Variants in TYW1 observed in about 807,000 individuals in gnomAD.
The protein encoded by TYW1 is S-adenosyl-L-methionine-dependent tRNA 4-demethylwyosine synthase TYW1.
A neutral mutation model predicts 96.2 loss-of-function variants in TYW1; 46 were observed. That is an observed-to-expected ratio of 0.48 (90% CI 0.38 to 0.61). The LOEUF (loss-of-function observed/expected upper bound fraction) is 0.61. TYW1 is among the 20% of genes least tolerant of loss of function. The pLI is 0.00. For missense variants in TYW1, 684 were observed against 909.6 expected, an observed-to-expected ratio of 0.75 and a Z score of 3.19; for synonymous variants, 274 against 323.0, an observed-to-expected ratio of 0.85 and a Z score of 1.63.
At chr7:67,219,435 T>C (rs1801309320) in intron 15 of TYW1, among the ~76,000 whole-genome samples, 1 of 152,188 alleles carries the variant, frequency 6.6e-6, no homozygotes, top group Non-Finnish European at 1.5e-5. Flanking sequence ...CTCTTCAGTG[T>C]TTTGGAAAAG....
At chr7:67,004,711 G>C (rs900851196) in intron 3 of TYW1, among the ~76,000 whole-genome samples, 1 of 151,918 alleles carries the variant, frequency 6.6e-6, no homozygotes, top group Non-Finnish European at 1.5e-5. Context: ...TTTCTCCTTC[G>C]CTTATGAAGC....
intron 3 of TYW1, among the ~76,000 whole-genome samples, chr7:66,999,874 C>G (rs560128213): frequency 2.0e-5 from 3 of 152,008 alleles, no homozygotes; most frequent in Non-Finnish European, 4.4e-5. Context: ...ATGGTTATCT[C>G]AGGGTCACTG....
At position 67,017,910 on chromosome 7, in the gene TYW1, C is replaced by T. The variant is rs762022773; in HGVS notation, c.628C>T (p.Arg210Ter). 16 of 1,613,946 alleles carry T rather than the reference C, an allele frequency of 9.9e-6. No individual in the cohort carries two copies. Among genetic ancestry groups the T allele is most frequent in the East Asian group, 4.5e-5 (2 of 44,872 alleles). ...GCTTGGCGCGCATCGTGTGATGAGT[C>T]GAGGGGAGGGCGACTGCGACGTGGT... ...WMLGAHRVMSRGEGDCDVVKS... is the reference protein window; with the variant it reads ...WMLGAHRVMS Residue 210 changes from arginine (R) to a stop codon, truncating the protein, a stop_gained, in exon 6 of 16, where the codon CGA becomes TGA. Coordinates refer to ENST00000359626, the MANE Select transcript of TYW1 (RefSeq NM_018264.4). LOFTEE classifies it high-confidence loss of function.
intron 11 of TYW1, among the ~76,000 whole-genome samples, chr7:67,087,289 T>G (rs933436877): frequency 7.2e-5 from 11 of 152,162 alleles, no homozygotes; most frequent in Non-Finnish European, 1.6e-4. Flanking sequence ...CAGAAAGGGG[T>G]GTCCAATAGT....
chr7:67,096,100 C>T (rs1264271506), intron 11 of TYW1, among the ~76,000 whole-genome samples: 1 of 152,090 alleles, frequency 6.6e-6, no homozygotes, highest in Non-Finnish European at 1.5e-5. Flanking sequence ...TCAAAGATGG[C>T]CAATAATGGC....
chr7:67,231,022 C>T (rs1235167120), intron 15 of TYW1, among the ~76,000 whole-genome samples: 2 of 152,074 alleles, frequency 1.3e-5, no homozygotes, highest in African/African-American at 2.4e-5. Flanking sequence ...TTTCCCATTC[C>T]CCCACCCTCC....
chr7:67,176,640 T>C (rs71563180), intron 13 of TYW1, among the ~76,000 whole-genome samples: 42,785 of 152,150 alleles, frequency 0.28, 6,534 homozygotes, highest in African/African-American at 0.4. Flanking sequence ...GATTCAATGC[T>C]ATATCAGGCA....
At chr7:67,052,621 G>A (rs1033264799) in intron 8 of TYW1, among the ~76,000 whole-genome samples, 9 of 152,230 alleles carry the variant, frequency 5.9e-5, no homozygotes, top group Middle Eastern at 3.4e-3. Context: ...TTGGTTGATG[G>A]ATTTTTTCCC....
intron 13 of TYW1, among the ~76,000 whole-genome samples, chr7:67,172,320 C>T (rs1482297649): frequency 6.7e-6 from 1 of 148,780 alleles, no homozygotes; most frequent in Non-Finnish European, 1.5e-5. Flanking sequence ...ATTTTATAAG[C>T]AATAGTACTT....
intron 6 of TYW1, among the ~76,000 whole-genome samples, chr7:67,021,998 A>C (rs1422535962): frequency 1.3e-5 from 2 of 151,998 alleles, no homozygotes; most frequent in African/African-American, 4.8e-5. Flanking sequence ...GCAGCCTCTA[A>C]CTCCTGGGCT....
Position 67,024,907 on chromosome 7 carries a change from A to T in TYW1, c.869A>T (p.Glu290Val), listed in dbSNP as rs754987703. 1 of 1,613,882 alleles carries T rather than the reference A, an allele frequency of 6.2e-7. No homozygotes were observed. Among genetic ancestry groups the T allele is most frequent in the Admixed American group, 1.7e-5 (1 of 59,980 alleles). ...GAAGCATTTCTCTTCCAGGAGGAAG[A>T]ACCCTTTGAGAGCTCCAGTGAAGAA... The part of the protein sequence containing the change: ...ELHHRDTEEE[E>V]PFESSSEEEF... The change falls in exon 7 of 16, where the codon GAA becomes GTA. Residue 290 changes from glutamate (E) to valine (V), a missense_variant. By Grantham distance (121) the Glu-to-Val change is moderately radical (BLOSUM62 -2). Transcript: ENST00000359626.
At chr7:67,135,182 G>T (rs1433589957) in intron 13 of TYW1, among the ~76,000 whole-genome samples, 1 of 147,216 alleles carries the variant, frequency 6.8e-6, no homozygotes, top group Non-Finnish European at 1.5e-5. Flanking sequence ...GAGAGAGGAA[G>T]TTCACCCTTC....
intron 13 of TYW1, among the ~76,000 whole-genome samples, chr7:67,118,878 G>GAAAAAA (rs60194362): frequency 8.3e-5 from 6 of 72,264 alleles, no homozygotes; most frequent in South Asian, 8.4e-4. Flanking sequence ...ACCCCTATCT[G>GAAAAAA]AAAAAAAAAA....
At chr7:67,145,173 G>GT (rs1798570800) in intron 13 of TYW1, among the ~76,000 whole-genome samples, 1 of 77,784 alleles carries the variant, frequency 1.3e-5, no homozygotes, top group Non-Finnish European at 2.6e-5. Flanking sequence ...TTTTTGAAAC[G>GT]AGTCTCGCTC....
At position 67,189,592 on chromosome 7, in the gene TYW1, A is replaced by G. The variant is rs554352471; in HGVS notation, c.1810-5578A>G. On this transcript the variant is annotated intron_variant, in intron 14 of 15. Coordinates refer to ENST00000359626, the MANE Select transcript of TYW1 (RefSeq NM_018264.4). The stretch of plus-strand genomic sequence containing the variant: ...CACCTAAAATGTGCCAGTGTAGCCT[A>G]GGACAGGTTATTCATCCTCCTTGAG... Among the ~76,000 whole-genome samples the G allele has an allele frequency of 2.1e-4, 32 of 152,310 alleles. No individual in the cohort carries two copies. The South Asian group carries it at 3.9e-3, about 19-fold the overall frequency.
At chr7:67,169,143 A>G (rs1188346287) in intron 13 of TYW1, among the ~76,000 whole-genome samples, 1 of 151,638 alleles carries the variant, frequency 6.6e-6, no homozygotes, top group South Asian at 2.1e-4. Context: ...TTTTTCTTAT[A>G]TTTATATTAT....
intron 9 of TYW1, among the ~76,000 whole-genome samples, chr7:67,065,312 C>A (rs373354134): frequency 1.3e-5 from 2 of 152,170 alleles, no homozygotes; most frequent in African/African-American, 2.4e-5. Flanking sequence ...ATCCACATGC[C>A]GTTGCATTGC....
intron 7 of TYW1, 97 bp from the exon 8 acceptor site, chr7:67,049,852 A>G: frequency 2.0e-6 from 3 of 1,491,818 alleles, no homozygotes; most frequent in Admixed American, 2.0e-5. Context: ...CGGCCTCATA[A>G]TGGACCTTTT....
chr7:67,098,115 A>T (rs2711905), intron 11 of TYW1, among the ~76,000 whole-genome samples: 1 of 152,128 alleles, frequency 6.6e-6, no homozygotes, highest in Non-Finnish European at 1.5e-5. Flanking sequence ...TTTCTCTCCT[A>T]TACAGCTTTG....
Sources: allele counts gnomAD v4.1 joint callset (sites outside exome capture counted in the v4.1 genomes callset), GRCh38; gene constraint gnomAD v4.1.1; transcripts MANE v1.5; gene names NCBI Gene and HGNC (gene_info 2026-07-23, HGNC 2026-07-21).